The following CDH18 variants were observed in gnomAD, a reference collection of about 807,000 sequenced individuals.
CDH18 encodes the protein cadherin 18.
CDH18 carries 31 observed loss-of-function variants against 67.9 expected under a neutral mutation model. The observed-to-expected ratio is 0.46, with a 90% CI of 0.34 to 0.62. The LOEUF is 0.62. Ranked by LOEUF, CDH18 falls within the 20% of genes least tolerant of loss-of-function variation. The pLI, the probability that CDH18 is intolerant of heterozygous loss-of-function variation, is 0.01. For synonymous variants in CDH18, 362 were observed against 347.2 expected (o/e 1.04, Z -0.48); for missense variants, 890 against 975.5 (o/e 0.91, Z 1.17).
intron 1 of CDH18, among the ~76,000 whole-genome samples, chr5:20,572,953 G>C (rs1292172391): frequency 6.6e-6 from 1 of 152,072 alleles, no homozygotes; most frequent in Non-Finnish European, 1.5e-5. Context: ...GTGACTCCTA[G>C]CACACTTGTC....
At chr5:19,555,414 G>C (rs1408186027) in intron 8 of CDH18, among the ~76,000 whole-genome samples, 2 of 152,188 alleles carry the variant, frequency 1.3e-5, no homozygotes, top group Non-Finnish European at 2.9e-5. Flanking sequence ...AATAAACTTG[G>C]TGATGTTGGG....
intron 1 of CDH18, among the ~76,000 whole-genome samples, chr5:20,292,399 A>G (rs1469306402): frequency 6.6e-6 from 1 of 152,176 alleles, no homozygotes; most frequent in Non-Finnish European, 1.5e-5. Context: ...GATAAAGAGA[A>G]TGATAGCTGA....
chr5:19,688,323 T>C (rs1761399359), intron 5 of CDH18, among the ~76,000 whole-genome samples: 1 of 152,188 alleles, frequency 6.6e-6, no homozygotes, highest in South Asian at 2.1e-4. Context: ...ATCATTGGAA[T>C]CACTGGGGCT....
chr5:20,424,385 C>T (rs1427779967), intron 1 of CDH18, among the ~76,000 whole-genome samples: 1 of 149,750 alleles, frequency 6.7e-6, no homozygotes, highest in Non-Finnish European at 1.5e-5. Flanking sequence ...AAGGATGTTT[C>T]AGAGCTACAG....
chr5:19,492,626 T>C (rs1249460975), intron 11 of CDH18, among the ~76,000 whole-genome samples: 2 of 152,108 alleles, frequency 1.3e-5, no homozygotes, highest in African/African-American at 4.8e-5. Context: ...AACTTAAAAA[T>C]CATCTTTGAA....
chr5:20,187,420 G>A (rs11954818), intron 2 of CDH18, among the ~76,000 whole-genome samples: 10,599 of 151,804 alleles, frequency 0.07, 423 homozygotes, highest in East Asian at 0.14. Flanking sequence ...GAAGACAAAT[G>A]GGACCAAGAC....
intron 7 of CDH18, among the ~76,000 whole-genome samples, chr5:19,577,879 T>C (rs1486646146): frequency 1.3e-5 from 2 of 152,112 alleles, no homozygotes; most frequent in African/African-American, 4.8e-5. Context: ...ATTATTTAGG[T>C]AGGTGTTAAA....
intron 2 of CDH18, among the ~76,000 whole-genome samples, chr5:19,917,221 T>C (rs1246138161): frequency 2.0e-5 from 3 of 152,160 alleles, no homozygotes; most frequent in African/African-American, 7.2e-5. Flanking sequence ...GGAAAACTTT[T>C]GGTGTATAGT....
intron 2 of CDH18, among the ~76,000 whole-genome samples, chr5:19,864,376 T>G (rs1212135882): frequency 1.3e-5 from 1 of 79,650 alleles, no homozygotes; most frequent in Non-Finnish European, 2.4e-5. Context: ...TGGGGACTGT[T>G]GTGTGGTGGG....
At chr5:20,385,777 A>G (rs1744266372) in intron 1 of CDH18, among the ~76,000 whole-genome samples, 1 of 152,218 alleles carries the variant, frequency 6.6e-6, no homozygotes. Context: ...CTATATAAAC[A>G]TTGCACAAAT....
At chr5:20,438,003 A>G (rs994156962) in intron 1 of CDH18, among the ~76,000 whole-genome samples, 6 of 151,312 alleles carry the variant, frequency 4.0e-5, no homozygotes, top group Non-Finnish European at 8.9e-5. Context: ...AGTATATTTT[A>G]AGGGTATTTT....
At chr5:20,019,548 T>TG (rs977867595) in intron 2 of CDH18, among the ~76,000 whole-genome samples, 1 of 152,128 alleles carries the variant, frequency 6.6e-6, no homozygotes, top group African/African-American at 2.4e-5. Context: ...TCAAAGTGTG[T>TG]GGTATCTTTT....
chr5:19,507,700 A>G (rs2126801665), intron 10 of CDH18, among the ~76,000 whole-genome samples: 1 of 152,268 alleles, frequency 6.6e-6, no homozygotes, highest in South Asian at 2.1e-4. Context: ...GTTGGAATTG[A>G]ACAATGAGAA....
intron 2 of CDH18, among the ~76,000 whole-genome samples, chr5:19,890,302 C>T (rs976332107): frequency 3.3e-5 from 5 of 151,996 alleles, no homozygotes; most frequent in Non-Finnish European, 7.4e-5. Context: ...GTGATTACTT[C>T]GGGCCCACCC....
intron 1 of CDH18, among the ~76,000 whole-genome samples, chr5:20,559,681 A>G (rs906253757): frequency 2.0e-5 from 3 of 152,100 alleles, no homozygotes; most frequent in African/African-American, 7.2e-5. Context: ...ATATACAGAA[A>G]TGTGAAGAAT....
chr5:20,125,151 C>T (rs1274393624), intron 2 of CDH18, among the ~76,000 whole-genome samples: 1 of 152,218 alleles, frequency 6.6e-6, no homozygotes, highest in Non-Finnish European at 1.5e-5. Flanking sequence ...TCCTACAACA[C>T]ATCTGCATAC....
At chr5:19,638,555 TTC>T (rs1004875232) in intron 5 of CDH18, among the ~76,000 whole-genome samples, 3 of 151,038 alleles carry the variant, frequency 2.0e-5, no homozygotes, top group Non-Finnish European at 4.4e-5. Flanking sequence ...AGTTTTTTTT[TTC>T]TTTTTTTTTT....
In CDH18 at chr5:20,389,874, A is replaced by G. The variant is rs1744682021; in HGVS notation, c.-579-134369T>C. 2.0e-5 allele frequency among the ~76,000 whole-genome samples: 3 copies of G among 152,200 alleles called. No individual in the cohort carries two copies. In the South Asian group the frequency reaches 6.2e-4, roughly 31 times the overall value. On this transcript the variant is annotated intron_variant, in intron 1 of 14. Transcript: ENST00000507958. Reference sequence around the variant, plus strand: ...CTGATCTTTGACAAAGCTGACAAAAACAAGAAATGGGGAAACAATTCCCTA... The same window carrying G: ...CTGATCTTTGACAAAGCTGACAAAAGCAAGAAATGGGGAAACAATTCCCTA...
In CDH18 at chr5:19,633,446, G is replaced by A. The variant is rs117780786; in HGVS notation, c.644-20845C>T. On this transcript the variant is annotated intron_variant, in intron 5 of 12. Transcript: ENST00000382275. ...CAGTTCCCAAATGGATATTCTCACC[G>A]ATGGCATGGTGTTACATTTTTATAT... Among the ~76,000 whole-genome samples, 886 of 152,176 alleles carry A rather than the reference G, an allele frequency of 5.8e-3. 6 individuals carry two copies. The highest frequency in any genetic ancestry group is 8.0e-3 in the Admixed American group (123 of 15,282).
Sources: gnomAD v4.1 joint callset for allele counts (sites outside exome capture counted in the v4.1 genomes callset) on GRCh38, gnomAD v4.1.1 for gene constraint, MANE v1.5 for transcripts, NCBI Gene and HGNC (gene_info 2026-07-23, HGNC 2026-07-21) for gene names.